The following LOC400499 variants were observed in gnomAD, a reference collection of about 807,000 sequenced individuals.
At chr16:11,484,806 G>GCTTCAAAA in the LOC400499 span, 1 of 397,962 alleles carries the variant, frequency 2.5e-6, no homozygotes, top group Non-Finnish European at 4.4e-6. Flanking sequence ...CCAAGTCTCA[G>GCTTCAAAA]GTTCAAAAGT....
the LOC400499 span, among the ~76,000 whole-genome samples, chr16:11,443,033 A>G: frequency 6.6e-6 from 1 of 152,012 alleles, no homozygotes; most frequent in African/African-American, 2.4e-5. Flanking sequence ...GTATCTTGCA[A>G]ATAGAAATGG....
the LOC400499 span, among the ~76,000 whole-genome samples, chr16:11,463,997 A>G: frequency 1.3e-5 from 2 of 152,248 alleles, no homozygotes; most frequent in South Asian, 4.1e-4. Flanking sequence ...GTGTATATGA[A>G]TGTGCATACA....
At chr16:11,402,729 T>C in the LOC400499 span, among the ~76,000 whole-genome samples, 1 of 152,176 alleles carries the variant, frequency 6.6e-6, no homozygotes, top group South Asian at 2.1e-4. Flanking sequence ...ACCTTGAACA[T>C]GAGGAAGACC....
the LOC400499 span, among the ~76,000 whole-genome samples, chr16:11,518,549 G>A: frequency 2.0e-5 from 3 of 152,050 alleles, no homozygotes; most frequent in African/African-American, 4.8e-5. Context: ...AGGGGTGATC[G>A]GCAGGTGTGA....
the LOC400499 span, among the ~76,000 whole-genome samples, chr16:11,426,691 A>G: frequency 1.3e-5 from 2 of 149,572 alleles, no homozygotes; most frequent in African/African-American, 4.9e-5. Flanking sequence ...CACTTTGGGA[A>G]GTTGAGGTAG....
the LOC400499 span, among the ~76,000 whole-genome samples, chr16:11,445,294 G>A: frequency 5.3e-5 from 8 of 152,092 alleles, no homozygotes; most frequent in South Asian, 2.1e-4. Context: ...GGGAATGCAC[G>A]TCTGTTATCC....
chr16:11,418,884 G>C, the LOC400499 span, among the ~76,000 whole-genome samples: 2 of 152,206 alleles, frequency 1.3e-5, no homozygotes, highest in African/African-American at 4.8e-5. Flanking sequence ...CCTTCAGTGA[G>C]GCCAGGTGCA....
the LOC400499 span, among the ~76,000 whole-genome samples, chr16:11,452,585 C>G: frequency 6.6e-6 from 1 of 152,246 alleles, no homozygotes; most frequent in Non-Finnish European, 1.5e-5. Flanking sequence ...AACTCCGGAG[C>G]TGGAAGGACA....
chr16:11,517,971 G>A, the LOC400499 span, among the ~76,000 whole-genome samples: 104 of 152,316 alleles, frequency 6.8e-4, no homozygotes, highest in African/African-American at 2.3e-3. Context: ...TCACTCTCCA[G>A]CTCCAACTGA....
the LOC400499 span, among the ~76,000 whole-genome samples, chr16:11,461,308 C>A: frequency 2.6e-5 from 4 of 152,246 alleles, no homozygotes; most frequent in Non-Finnish European, 5.9e-5. Context: ...TAGCCTTGAC[C>A]TCCCAGGCTC....
the LOC400499 span, among the ~76,000 whole-genome samples, chr16:11,397,314 G>GC: frequency 3.3e-5 from 5 of 152,220 alleles, no homozygotes; most frequent in Admixed American, 1.3e-4. Flanking sequence ...ATGCTCTGTC[G>GC]CCAGGCTGGA....
chr16:11,425,441 G>A, the LOC400499 span: 33 of 399,094 alleles, frequency 8.3e-5, no homozygotes, highest in Non-Finnish European at 1.4e-4. Flanking sequence ...TGCCTGCAGA[G>A]AATGGTGGAG....
chr16:11,512,412 G>C, the LOC400499 span, among the ~76,000 whole-genome samples: 1 of 152,088 alleles, frequency 6.6e-6, no homozygotes, highest in Non-Finnish European at 1.5e-5. Flanking sequence ...AGACCAGCCT[G>C]GCCAACATGG....
At chr16:11,490,825 C>T in the LOC400499 span, among the ~76,000 whole-genome samples, 2 of 152,170 alleles carry the variant, frequency 1.3e-5, no homozygotes, top group South Asian at 4.1e-4. Context: ...ATGTAATACA[C>T]AGGAGAACTG....
the LOC400499 span, chr16:11,475,535 G>T: frequency 2.5e-6 from 1 of 397,402 alleles, no homozygotes; most frequent in South Asian, 1.3e-4. Context: ...TAGGGCAGGA[G>T]AGCAACTCTG....
the LOC400499 span, chr16:11,491,672 C>T: frequency 1.5e-4 from 55 of 368,054 alleles, no homozygotes; most frequent in East Asian, 2.1e-3. Flanking sequence ...CCTGCCCACA[C>T]CCCTCCCACA....
chr16:11,513,207 C>G, the LOC400499 span, among the ~76,000 whole-genome samples: 1 of 150,634 alleles, frequency 6.6e-6, no homozygotes, highest in Non-Finnish European at 1.5e-5. Flanking sequence ...AGTTCGAGAC[C>G]AGCCTGGGCA....
the LOC400499 span, among the ~76,000 whole-genome samples, chr16:11,395,500 C>T: frequency 6.6e-6 from 1 of 152,132 alleles, no homozygotes; most frequent in Non-Finnish European, 1.5e-5. Context: ...GACAGTCAGT[C>T]CCGGAGAACA....
the LOC400499 span, among the ~76,000 whole-genome samples, chr16:11,453,639 T>G: frequency 6.6e-6 from 1 of 151,948 alleles, no homozygotes; most frequent in African/African-American, 2.4e-5. Flanking sequence ...AATCGGCTCT[T>G]GAACAGAACC....
Sources: allele counts gnomAD v4.1 joint callset (sites outside exome capture counted in the v4.1 genomes callset), GRCh38; gene constraint gnomAD v4.1.1; transcripts MANE v1.5.